The following TRAK2 variants were observed in gnomAD, a reference collection of about 807,000 sequenced individuals.
TRAK2 encodes the protein trafficking kinesin-binding protein 2.
A neutral mutation model predicts 104.6 loss-of-function variants in TRAK2; 81 were observed. The ratio of observed to expected loss-of-function variants is 0.77; its 90% CI spans 0.65 to 0.93. TRAK2 has a LOEUF of 0.93. Ranked by LOEUF, TRAK2 falls within the 40% of genes least tolerant of loss-of-function variation. The pLI, the probability that TRAK2 is intolerant of heterozygous loss-of-function variation, is 0.00. For synonymous variants in TRAK2, 406 were observed against 394.4 expected (o/e 1.03, Z -0.35); for missense variants, 1,002 against 1,089.0 (o/e 0.92, Z 1.12).
intron 1 of TRAK2, chr2:201,433,322 G>A (rs1226960183): frequency 2.0e-5 from 3 of 152,184 alleles, no homozygotes; most frequent in African/African-American, 7.2e-5. Flanking sequence ...CAGCACAGCT[G>A]TTCTATTAGC....
At chr2:201,413,060 G>T (rs1951661917) in intron 2 of TRAK2, 1 of 825,806 alleles carries the variant, frequency 1.2e-6, no homozygotes. Context: ...TCATTTTAGA[G>T]AATCAATTAT....
rs1010862429 is a variant in TRAK2, at chr2:201,413,082, C to G, written c.92-5485G>C. On this transcript the variant is annotated intron_variant, in intron 2 of 15. Transcript: ENST00000332624. ...AGAGAATCAATTATTTGATCCTTTT[C>G]AAATTTTTGATATTTGTCAATCATT... 8.7e-6 allele frequency: 8 copies of G among 923,356 alleles called. No homozygotes were observed. The East Asian group carries it at 1.7e-4, about 19-fold the overall frequency. 57.2% of individuals were successfully genotyped at this position (923,356 alleles called of 1,614,324 possible). A position where few individuals can be genotyped will look rare whatever the true frequency, so the allele number is the denominator to read the frequency against.
intron 2 of TRAK2, among the ~76,000 whole-genome samples, chr2:201,408,304 T>A (rs1951614263): frequency 6.6e-6 from 1 of 152,154 alleles, no homozygotes; most frequent in Non-Finnish European, 1.5e-5. Context: ...ATGCTTTTTT[T>A]AATTTTTAAT....
At chr2:201,411,064 T>G (rs1951642105) in intron 2 of TRAK2, 2 of 1,188,358 alleles carry the variant, frequency 1.7e-6, no homozygotes, top group Non-Finnish European at 2.5e-6. Context: ...GTAGAAAACA[T>G]CATGTCAATG....
chr2:201,387,799 G>A lies in TRAK2; in HGVS notation c.1600C>T (p.Leu534Phe). 2 of 1,614,172 alleles carry A rather than the reference G, an allele frequency of 1.2e-6. No homozygotes were observed. Among genetic ancestry groups the A allele is most frequent in the Non-Finnish European group, 1.7e-6 (2 of 1,179,998 alleles). The change falls in exon 13 of 16, where the codon CTC becomes TTC. Residue 534 changes from leucine (L) to phenylalanine (F), a missense_variant. Physicochemically the swap from Leu to Phe is conservative, Grantham distance 22 (BLOSUM62 0). Transcript: ENST00000332624. ...CVTPTESLAS[L>F]CTTQSEITDL... ...GTGATCTCTGACTGGGTGGTGCAGA[G>A]AGAGGCAAGGCTCTCTGTCGGGGTG...
In TRAK2 at chr2:201,380,639, T is replaced by C. The variant is rs1320408073; in HGVS notation, c.2649A>G (p.Gly883=). The change falls in exon 16 of 16, where the codon GGA becomes GGG. Residue 883 remains glycine, a synonymous_variant. Transcript: ENST00000332624. The part of the protein sequence containing the change: ...YLNSGSSLLG[G]LRRNQSLPVI... The stretch of plus-strand genomic sequence containing the variant: ...CTGGAAGACTCTGATTCCTCCTTAG[T>C]CCACCTAATAAACTGCTACCTGAAT... 6.2e-7 allele frequency: 1 copy of C among 1,613,954 alleles called. No homozygotes were observed. Among genetic ancestry groups the C allele is most frequent in the Non-Finnish European group, 8.5e-7 (1 of 1,179,988 alleles).
intron 9 of TRAK2, among the ~76,000 whole-genome samples, chr2:201,393,352 G>T (rs1197529831): frequency 6.6e-6 from 1 of 152,004 alleles, no homozygotes; most frequent in African/African-American, 2.4e-5. Context: ...ACTTAACAGA[G>T]GAAGTATAAC....
At chr2:201,430,112 TG>T (rs1367239557) in intron 1 of TRAK2, among the ~76,000 whole-genome samples, 1 of 152,200 alleles carries the variant, frequency 6.6e-6, no homozygotes, top group Non-Finnish European at 1.5e-5. Flanking sequence ...GCTGTTTGCC[TG>T]GGTATCACCA....
Position 201,401,094 on chromosome 2 carries a change from A to G in TRAK2, c.287T>C (p.Ile96Thr). ...CTGCTCCACCCTGTCTGTGCCTAGA[A>G]CTAATATAGTTAAAAACAACTATTT... Reference protein sequence around the residue: ...VLAEETFRYMILGTDRVEQMT... With the variant: ...VLAEETFRYMTLGTDRVEQMT... The change falls in exon 4 of 16, where the codon ATT becomes ACT. Residue 96 changes from isoleucine (I) to threonine (T), a missense_variant and splice_region_variant. By Grantham distance (89) the Ile-to-Thr change is moderately conservative. Transcript: ENST00000332624. 1 of 1,598,126 alleles carries G rather than the reference A, an allele frequency of 6.3e-7. No homozygotes were observed. Among genetic ancestry groups the G allele is most frequent in the Non-Finnish European group, 8.5e-7 (1 of 1,170,474 alleles).
rs537317970 is a variant in TRAK2 at position 201,439,019 on chromosome 2, A to G, written c.-200+12331T>C. On this transcript the variant is annotated intron_variant, in intron 1 of 15. Coordinates refer to ENST00000332624, the MANE Select transcript of TRAK2 (RefSeq NM_015049.3). The stretch of plus-strand genomic sequence containing the variant: ...AACTGCTAAAAGTAGTAAATGGAAC[A>G]TAGATAAAAAATAAATCTCTATTCC... 3.3e-5 allele frequency among the ~76,000 whole-genome samples: 5 copies of G among 152,372 alleles called. No homozygotes were observed. In the East Asian group the frequency reaches 9.6e-4, roughly 29 times the overall value.
At chr2:201,383,973 G>A in intron 15 of TRAK2, 138 bp downstream of exon 15, 1 of 643,804 alleles carries the variant, frequency 1.6e-6, no homozygotes, top group Non-Finnish European at 2.7e-6. Context: ...AATGCAATGT[G>A]AAAATATTCT....
At chr2:201,432,444 C>T (rs1951849540) in intron 1 of TRAK2, among the ~76,000 whole-genome samples, 1 of 152,156 alleles carries the variant, frequency 6.6e-6, no homozygotes, top group Non-Finnish European at 1.5e-5. Flanking sequence ...ATAAAACAAC[C>T]AATCAGGCAT....
intron 2 of TRAK2, among the ~76,000 whole-genome samples, chr2:201,416,804 C>A (rs1345988126): frequency 6.7e-6 from 1 of 149,962 alleles, no homozygotes; most frequent in Non-Finnish European, 1.5e-5. Context: ...CTGGAGCAAG[C>A]AGTGAGAAAA....
At chr2:201,431,650 C>T (rs1951843414) in intron 1 of TRAK2, among the ~76,000 whole-genome samples, 1 of 152,222 alleles carries the variant, frequency 6.6e-6, no homozygotes. Context: ...GTCTCAAGAT[C>T]CTTAATGTAG....
At chr2:201,383,182 A>T (rs1951358352) in intron 15 of TRAK2, among the ~76,000 whole-genome samples, 1 of 152,250 alleles carries the variant, frequency 6.6e-6, no homozygotes, top group Admixed American at 6.5e-5. Flanking sequence ...TAGCCTATGT[A>T]GTAAATAATT....
intron 1 of TRAK2, among the ~76,000 whole-genome samples, chr2:201,421,259 T>C (rs1951738420): frequency 6.6e-6 from 1 of 152,192 alleles, no homozygotes; most frequent in Non-Finnish European, 1.5e-5. Context: ...AAGGCTTTTA[T>C]ATTACACATG....
At chr2:201,393,752 C>A (rs1244077149) in intron 9 of TRAK2, among the ~76,000 whole-genome samples, 1 of 152,076 alleles carries the variant, frequency 6.6e-6, no homozygotes, top group East Asian at 1.9e-4. Context: ...CGAGGTGATT[C>A]TTTCCCCCTC....
chr2:201,424,703 C>A lies in TRAK2; in HGVS notation c.-199-3997G>T, dbSNP rs944402968. On this transcript the variant is annotated intron_variant, in intron 1 of 15. Transcript: ENST00000332624. ...CTGCAAGCTCTGACTCCCGGGTTCA[C>A]GCCATTCTCCTGCCTCAGCCTCCCG... Among the ~76,000 whole-genome samples, 39 of 151,980 alleles carry A rather than the reference C, an allele frequency of 2.6e-4. No individual in the cohort carries two copies. The East Asian group carries it at 7.4e-3, about 29-fold the overall frequency.
chr2:201,398,229 G>A lies in TRAK2; in HGVS notation c.606C>T (p.Ser202=). The A allele has an allele frequency of 1.2e-6, 2 of 1,613,728 alleles. No homozygotes were observed. Among genetic ancestry groups the A allele is most frequent in the Non-Finnish European group, 1.7e-6 (2 of 1,179,718 alleles). Reference sequence around the variant, plus strand: ...CCAACTGCAGCAACCCTTGAGATAAGCTAAAGGACTCATTGAACCGAAGAG... The same window carrying A: ...CCAACTGCAGCAACCCTTGAGATAAACTAAAGGACTCATTGAACCGAAGAG... ...STPLRFNESF[S]LSQGLLQLEM... is the part of the protein sequence containing the mutation. Residue 202 remains serine, a synonymous_variant, in exon 6 of 16, where the codon AGC becomes AGT. Coordinates refer to ENST00000332624, the MANE Select transcript of TRAK2 (RefSeq NM_015049.3).
Sources: gnomAD v4.1 joint callset for allele counts (sites outside exome capture counted in the v4.1 genomes callset) on GRCh38, gnomAD v4.1.1 for gene constraint, MANE v1.5 for transcripts, NCBI Gene and HGNC (gene_info 2026-07-23, HGNC 2026-07-21) for gene names.